GSG1L: variants seen among roughly 807,000 people sequenced by gnomAD.
GSG1L encodes GSG1 like, also known as germ cell-specific gene 1-like protein.
GSG1L carries 24 observed loss-of-function variants against 42.1 expected under a neutral mutation model. The observed-to-expected ratio is 0.57, with a 90% CI of 0.41 to 0.80. The LOEUF (loss-of-function observed/expected upper bound fraction) is 0.80, where lower values mean the gene tolerates loss of function less well. Among genes scored for constraint, GSG1L ranks in the 30% least tolerant of loss-of-function variants. GSG1L has a pLI of 0.00. For missense variants in GSG1L, 445 were observed against 472.2 expected (o/e 0.94, Z 0.53); for synonymous variants, 215 against 203.5 (o/e 1.06, Z -0.48).
intron 3 of GSG1L, among the ~76,000 whole-genome samples, chr16:27,874,408 AT>A (rs1180493425): frequency 6.7e-6 from 1 of 148,640 alleles, no homozygotes; most frequent in Admixed American, 6.9e-5. Context: ...TAAAATCCCA[AT>A]AAAAACTCTG....
chr16:27,841,059 A>T (rs938681631), intron 4 of GSG1L, among the ~76,000 whole-genome samples: 1 of 152,234 alleles, frequency 6.6e-6, no homozygotes, highest in South Asian at 2.1e-4. Flanking sequence ...ACATAATAAC[A>T]TATTTTTTAC....
At position 28,041,000 on chromosome 16, in the gene GSG1L, G is replaced by C. The variant is rs1262356524; in HGVS notation, c.349+22076C>G. Among the ~76,000 whole-genome samples, 1 of 152,192 alleles carries C rather than the reference G, an allele frequency of 6.6e-6. No individual in the cohort carries two copies. ...TCAATCTCACATCAACCCCTAAGAT[G>C]TTTGGTTTTTATGTCCATTTCATTG... On this transcript the variant is annotated intron_variant, in intron 1 of 6. Coordinates refer to ENST00000447459, the MANE Select transcript of GSG1L (RefSeq NM_001109763.2). This position sits in a 1 kb window ranked among gnomAD's most constrained non-coding sequence, Gnocchi z 4.1.
At chr16:27,822,074 C>G (rs1386700968) in intron 5 of GSG1L, among the ~76,000 whole-genome samples, 1 of 148,128 alleles carries the variant, frequency 6.8e-6, no homozygotes, top group Non-Finnish European at 1.5e-5. Flanking sequence ...AGGGAGGTCT[C>G]TAACAGAGGG....
intron 1 of GSG1L, among the ~76,000 whole-genome samples, chr16:28,007,012 G>A (rs1364649337): frequency 6.6e-6 from 1 of 152,080 alleles, no homozygotes; most frequent in South Asian, 2.1e-4. Flanking sequence ...GGGAGATAAG[G>A]GAGCCCCAGG....
intron 1 of GSG1L, among the ~76,000 whole-genome samples, chr16:28,025,619 G>C (rs1431529510): frequency 6.6e-6 from 1 of 152,242 alleles, no homozygotes; most frequent in Non-Finnish European, 1.5e-5. Context: ...TGCCCCAGCA[G>C]CAAGACATAA....
At chr16:27,847,327 A>G (rs1338779432) in intron 3 of GSG1L, among the ~76,000 whole-genome samples, 1 of 152,186 alleles carries the variant, frequency 6.6e-6, no homozygotes, top group Non-Finnish European at 1.5e-5. Flanking sequence ...CTTGGAGAAC[A>G]CTGGAAATGG....
intron 6 of GSG1L, among the ~76,000 whole-genome samples, chr16:27,799,141 T>G (rs928154753): frequency 6.6e-6 from 1 of 151,706 alleles, no homozygotes; most frequent in African/African-American, 2.4e-5. Context: ...TGGTGTCTCA[T>G]GCCTGTAATC....
chr16:28,046,733 C>T (rs1439165379), intron 1 of GSG1L, among the ~76,000 whole-genome samples: 5 of 152,118 alleles, frequency 3.3e-5, no homozygotes, highest in East Asian at 3.9e-4. Flanking sequence ...TGCACTCTGG[C>T]GCATCAGCCT....
chr16:27,819,110 C>T (rs1181559541), intron 5 of GSG1L, among the ~76,000 whole-genome samples: 1 of 152,018 alleles, frequency 6.6e-6, no homozygotes, highest in African/African-American at 2.4e-5. Flanking sequence ...ATTAGCCAGG[C>T]ATGGTGGCAT....
intron 2 of GSG1L, among the ~76,000 whole-genome samples, chr16:27,906,583 C>T (rs543400000): frequency 6.6e-6 from 1 of 152,128 alleles, no homozygotes; most frequent in South Asian, 2.1e-4. Context: ...TCCTGCTCCC[C>T]CTGAAATGTT....
intron 4 of GSG1L, among the ~76,000 whole-genome samples, chr16:27,831,675 C>T (rs771052979): frequency 2.0e-5 from 3 of 152,202 alleles, no homozygotes; most frequent in Non-Finnish European, 4.4e-5. Flanking sequence ...GAAACAGATG[C>T]TATGCGGTGG....
At chr16:27,867,141 G>A (rs752425881) in intron 3 of GSG1L, among the ~76,000 whole-genome samples, 3 of 152,212 alleles carry the variant, frequency 2.0e-5, no homozygotes, top group Non-Finnish European at 2.9e-5. Context: ...GGATCACCCA[G>A]ATAGACCAAG....
rs1405085209 is a variant in GSG1L at position 27,801,321 on chromosome 16, A to G, written c.898+6166T>C. Among the ~76,000 whole-genome samples, 9 of 152,166 alleles carry G rather than the reference A, an allele frequency of 5.9e-5. No individual in the cohort carries two copies. The East Asian group carries it at 1.7e-3, about 29-fold the overall frequency. Reference sequence around the variant, plus strand: ...CAGCAAAGCTGATTTGCCTTACAGCACTGTATTTCTAGAAGAAGAATCCCC... The same window carrying G: ...CAGCAAAGCTGATTTGCCTTACAGCGCTGTATTTCTAGAAGAAGAATCCCC... On this transcript the variant is annotated intron_variant, in intron 6 of 6. Coordinates refer to ENST00000447459, the MANE Select transcript of GSG1L (RefSeq NM_001109763.2).
chr16:27,972,017 C>A (rs1325093013), intron 1 of GSG1L, among the ~76,000 whole-genome samples: 2 of 152,240 alleles, frequency 1.3e-5, no homozygotes, highest in African/African-American at 4.8e-5. Context: ...CTCCACACCA[C>A]ATCCTAAAAT....
intron 1 of GSG1L, among the ~76,000 whole-genome samples, chr16:28,057,709 T>C (rs1596739317): frequency 6.6e-6 from 1 of 152,112 alleles, no homozygotes; most frequent in East Asian, 1.9e-4. Context: ...CTGTGGCCAG[T>C]GGAGTGCTGG....
chr16:27,797,225 T>G (rs2082827075), intron 6 of GSG1L, among the ~76,000 whole-genome samples: 1 of 152,120 alleles, frequency 6.6e-6, no homozygotes, highest in Admixed American at 6.6e-5. Flanking sequence ...ATGCAGCCAT[T>G]AAAAAACAAT....
intron 1 of GSG1L, among the ~76,000 whole-genome samples, chr16:28,046,929 T>TCATGCACACG (rs959677363): frequency 2.0e-5 from 3 of 152,190 alleles, no homozygotes; most frequent in Admixed American, 2.0e-4. Context: ...TCTTTGTGTA[T>TCATGCACACG]CATGCACACG....
At chr16:27,950,538 A>G (rs1232021681) in intron 2 of GSG1L, among the ~76,000 whole-genome samples, 1 of 152,064 alleles carries the variant, frequency 6.6e-6, no homozygotes, top group Non-Finnish European at 1.5e-5. Context: ...AGAATTAAGG[A>G]GGTGGGAGGG....
chr16:27,817,495 T>C (rs936346366), intron 5 of GSG1L, among the ~76,000 whole-genome samples: 1 of 152,058 alleles, frequency 6.6e-6, no homozygotes, highest in Non-Finnish European at 1.5e-5. Context: ...CCCTTAATTT[T>C]CTTCTCTTTT....
Sources: allele counts gnomAD v4.1 joint callset (sites outside exome capture counted in the v4.1 genomes callset), GRCh38; gene constraint gnomAD v4.1.1; non-coding constraint Gnocchi (gnomAD v3.1); transcripts MANE v1.5; gene names NCBI Gene and HGNC (gene_info 2026-07-23, HGNC 2026-07-21).